Variants in DYNC1I2 observed in about 807,000 individuals in gnomAD.
DYNC1I2 encodes dynein cytoplasmic 1 intermediate chain 2.
In DYNC1I2, 53 loss-of-function variants were observed where a neutral mutation model predicts 88.6. That is an observed-to-expected ratio of 0.60 (90% CI 0.48 to 0.75). The LOEUF (loss-of-function observed/expected upper bound fraction) is 0.75. Ranked by LOEUF, DYNC1I2 falls within the 30% of genes least tolerant of loss-of-function variation. The pLI, the probability that DYNC1I2 is intolerant of heterozygous loss-of-function variation, is 0.00. For synonymous variants in DYNC1I2, 198 were observed against 254.6 expected (o/e 0.78, Z 2.12); for missense variants, 458 against 766.6 (o/e 0.60, Z 4.75).
Position 171,728,393 on chromosome 2 carries a change from G to T in DYNC1I2, c.1232G>T (p.Ser411Ile). The change falls in exon 13 of 18, where the codon AGT (serine) becomes ATT (isoleucine). Residue 411 changes from serine to isoleucine, a missense_variant. Physicochemically the swap from Ser to Ile is moderately radical, Grantham distance 142. Transcript: ENST00000397119. ...ISTDGKICSW[S>I]LDMLSHPQDS... ...ACTGATGGAAAAATTTGTTCATGGAGTCTGGACATGCTTTCCCATCCACAG... is the reference window on the plus strand; with the variant it reads ...ACTGATGGAAAAATTTGTTCATGGATTCTGGACATGCTTTCCCATCCACAG... The T allele has an allele frequency of 6.3e-7, 1 of 1,596,600 alleles. No individual in the cohort carries two copies. The highest frequency in any genetic ancestry group is 8.5e-7 in the Non-Finnish European group (1 of 1,172,796).
chr2:171,718,064 C>A (rs1224467475), intron 7 of DYNC1I2, among the ~76,000 whole-genome samples: 1 of 150,392 alleles, frequency 6.6e-6, no homozygotes, highest in Non-Finnish European at 1.5e-5. Flanking sequence ...TCAAGTGATT[C>A]TCCTGCCTCA....
At position 171,748,229 on chromosome 2, in the gene DYNC1I2, A is replaced by C. The variant is rs1689928849; in HGVS notation, c.*340A>C. On this transcript the variant is annotated 3_prime_UTR_variant, in exon 18 of 18. Transcript: ENST00000397119. ...AAAGCACAGATGAAATAAGTTCTGC[A>C]TATTTTTAAATAATCACAGTTCCCT... 1 of 180,050 alleles carries C rather than the reference A, an allele frequency of 5.6e-6. No homozygotes were observed. The highest frequency in any genetic ancestry group is 1.5e-4 in the East Asian group (1 of 6,670). The allele number at this position is 180,050 out of a possible 1,614,324, so 11.2% of individuals were successfully genotyped here.
At chr2:171,737,679 A>G (rs934872438) in intron 15 of DYNC1I2, among the ~76,000 whole-genome samples, 5 of 152,158 alleles carry the variant, frequency 3.3e-5, no homozygotes, top group African/African-American at 1.2e-4. Flanking sequence ...TCGGGCTCCC[A>G]AAGTGGTTGG....
chr2:171,728,077 G>T, intron 12 of DYNC1I2, 110 bp downstream of exon 12: 1 of 1,298,248 alleles, frequency 7.7e-7, no homozygotes. Flanking sequence ...TTTGGTGTAT[G>T]AATTCCTCAC....
intron 2 of DYNC1I2, among the ~76,000 whole-genome samples, chr2:171,690,944 C>T (rs1559359149): frequency 6.6e-6 from 1 of 152,044 alleles, no homozygotes; most frequent in Non-Finnish European, 1.5e-5. Context: ...GCACGAGCCA[C>T]CACACTCAGT....
intron 15 of DYNC1I2, among the ~76,000 whole-genome samples, chr2:171,734,494 C>T (rs888543336): frequency 2.6e-5 from 4 of 152,182 alleles, no homozygotes; most frequent in Admixed American, 2.6e-4. Flanking sequence ...TTGCTTCCTT[C>T]CTTGGGCCTT....
At chr2:171,729,449 C>T (rs769740541) in intron 14 of DYNC1I2, among the ~76,000 whole-genome samples, 11 of 152,156 alleles carry the variant, frequency 7.2e-5, no homozygotes, top group African/African-American at 2.4e-4. Flanking sequence ...GTTTCTATTA[C>T]ACCACTTCAG....
At chr2:171,713,836 G>A (rs2105592820) in intron 6 of DYNC1I2, among the ~76,000 whole-genome samples, 1 of 152,226 alleles carries the variant, frequency 6.6e-6, no homozygotes, top group South Asian at 2.1e-4. Flanking sequence ...CCTCTGTAGT[G>A]GCCACACTGA....
intron 15 of DYNC1I2, among the ~76,000 whole-genome samples, chr2:171,736,773 AC>A (rs1287212696): frequency 6.6e-6 from 1 of 152,192 alleles, no homozygotes; most frequent in African/African-American, 2.4e-5. Flanking sequence ...GATATTTCTG[AC>A]CTTGGAATCC....
intron 6 of DYNC1I2, among the ~76,000 whole-genome samples, chr2:171,713,594 A>C (rs1348020822): frequency 6.6e-6 from 1 of 152,148 alleles, no homozygotes; most frequent in Non-Finnish European, 1.5e-5. Context: ...ACATAGAGAT[A>C]AGATTATCCA....
At chr2:171,724,151 G>A (rs367872810) in intron 7 of DYNC1I2, among the ~76,000 whole-genome samples, 5 of 152,292 alleles carry the variant, frequency 3.3e-5, no homozygotes, top group South Asian at 2.1e-4. Context: ...ATTGGCATAC[G>A]TCATTATCAT....
intron 10 of DYNC1I2, 79 bp from the exon 11 acceptor site, chr2:171,726,712 G>C (rs1688279751): frequency 6.5e-7 from 1 of 1,539,490 alleles, no homozygotes; most frequent in African/African-American, 1.4e-5. Flanking sequence ...ATAATAATCT[G>C]ATAAAGACAA....
At chr2:171,719,339 T>C (rs2105634578) in intron 7 of DYNC1I2, among the ~76,000 whole-genome samples, 1 of 152,348 alleles carries the variant, frequency 6.6e-6, no homozygotes, top group South Asian at 2.1e-4. Context: ...TAAGTTTCTT[T>C]TCCCAAAGTG....
In DYNC1I2 at chr2:171,725,598, G is replaced by GTTTTTTTTTTTTTTTTTTTTT. The variant is rs746910264; in HGVS notation, c.512-4_512-3insTTTTTTTTTTTTTTTTTTTTT. 1.9e-5 allele frequency: 17 copies of GTTTTTTTTTTTTTTTTTTTTT among 895,200 alleles called. No homozygotes were observed. Among genetic ancestry groups the GTTTTTTTTTTTTTTTTTTTTT allele is most frequent in the South Asian group, 1.6e-4 (7 of 43,014 alleles). 55.5% of individuals were successfully genotyped at this position (895,200 alleles called of 1,614,324 possible). A position where few individuals can be genotyped will look rare whatever the true frequency, so the allele number is the denominator to read the frequency against. ...ATTCTGTTTTTTTGTTTTTTTGTTTGTTTTTTTTTTTTTTTTCAGATGAAG... is the reference window on the plus strand; with the variant it reads ...ATTCTGTTTTTTTGTTTTTTTGTTTGTTTTTTTTTTTTTTTTTTTTTTTTTTTTTTTTTTTTTCAGATGAAG... On this transcript the variant is annotated intron_variant, in intron 7 of 17. Coordinates refer to ENST00000397119, the MANE Select transcript of DYNC1I2 (RefSeq NM_001378.3).
intron 15 of DYNC1I2, among the ~76,000 whole-genome samples, chr2:171,743,012 A>G (rs1689550208): frequency 6.6e-6 from 1 of 152,202 alleles, no homozygotes; most frequent in East Asian, 1.9e-4. Context: ...GCCAACGCCT[A>G]TCCCAGCAGT....
At chr2:171,731,412 C>G (rs1320463516) in intron 15 of DYNC1I2, among the ~76,000 whole-genome samples, 1 of 152,116 alleles carries the variant, frequency 6.6e-6, no homozygotes, top group Non-Finnish European at 1.5e-5. Flanking sequence ...AAGTATAACA[C>G]AAATACAGCA....
intron 2 of DYNC1I2, among the ~76,000 whole-genome samples, chr2:171,691,010 G>A (rs1283557245): frequency 6.6e-6 from 1 of 152,070 alleles, no homozygotes. Context: ...TCATAACTTA[G>A]TTTGGACTTT....
intron 4 of DYNC1I2, 26 bp from the exon 5 acceptor site, chr2:171,707,261 G>T (rs777344607): frequency 6.2e-7 from 1 of 1,613,516 alleles, no homozygotes; most frequent in Admixed American, 1.7e-5. Context: ...TAGTAACAGC[G>T]GATACCTGTC....
chr2:171,705,580 A>G (rs1686617915), intron 3 of DYNC1I2, among the ~76,000 whole-genome samples: 2 of 152,106 alleles, frequency 1.3e-5, no homozygotes, highest in South Asian at 4.1e-4. Flanking sequence ...TAGGCAAACA[A>G]CTGTTAAGTA....
Sources: gnomAD v4.1 joint callset for allele counts (sites outside exome capture counted in the v4.1 genomes callset) on GRCh38, gnomAD v4.1.1 for gene constraint, MANE v1.5 for transcripts, NCBI Gene and HGNC (gene_info 2026-07-23, HGNC 2026-07-21) for gene names.